The following ADAMTSL3 variants were observed in gnomAD, a reference collection of about 807,000 sequenced individuals.
The protein encoded by ADAMTSL3 is ADAMTS like 3.
Under a neutral mutation model 201.7 loss-of-function variants are expected in ADAMTSL3, and 128 were observed. The observed-to-expected ratio is 0.63, with a 90% CI of 0.55 to 0.73. The LOEUF is 0.73. ADAMTSL3 is among the 30% of genes least tolerant of loss of function. ADAMTSL3 has a pLI of 0.00. For synonymous variants in ADAMTSL3, 738 were observed against 748.4 expected, an observed-to-expected ratio of 0.99 and a Z score of 0.23; for missense variants, 1,990 against 2,119.6, an observed-to-expected ratio of 0.94 and a Z score of 1.20.
chr15:83,913,141 G>A lies in ADAMTSL3; in HGVS notation c.1750G>A (p.Val584Met), dbSNP rs778420660. ...CTGCAGTACCACGTGTGGGCCGGGT[G>A]TGCAGGTCCGTGAGGTGAAGTGCCG... is the stretch of plus-strand genomic sequence containing the variant. The part of the protein sequence containing the change: ...SACSTTCGPG[V>M]QVREVKCRVL... Residue 584 changes from valine to methionine, a missense_variant, in exon 16 of 30, where the codon GTG (valine) becomes ATG (methionine). Coordinates refer to ENST00000286744, the MANE Select transcript of ADAMTSL3 (RefSeq NM_207517.3). 1.9e-6 allele frequency: 3 copies of A among 1,614,130 alleles called. No individual in the cohort carries two copies. The highest frequency in any genetic ancestry group is 2.5e-6 in the Non-Finnish European group (3 of 1,180,036).
chr15:83,720,634 G>A (rs1051928857), intron 3 of ADAMTSL3, among the ~76,000 whole-genome samples: 4 of 152,206 alleles, frequency 2.6e-5, no homozygotes, highest in African/African-American at 4.8e-5. Flanking sequence ...GAATGTGTCA[G>A]TGGGCATTAC....
intron 5 of ADAMTSL3, among the ~76,000 whole-genome samples, chr15:83,816,698 C>T (rs2063777230): frequency 6.6e-6 from 1 of 152,146 alleles, no homozygotes; most frequent in African/African-American, 2.4e-5. Context: ...GGATACAGTC[C>T]TCATTTCAAC....
chr15:83,885,124 C>G lies in ADAMTSL3; in HGVS notation c.984C>G (p.Asp328Glu). 6.2e-7 allele frequency: 1 copy of G among 1,614,064 alleles called. No homozygotes were observed. Among genetic ancestry groups the G allele is most frequent in the Non-Finnish European group, 8.5e-7 (1 of 1,179,946 alleles). The change falls in exon 10 of 30, where the codon GAC (aspartate) becomes GAG (glutamate). Residue 328 changes from aspartate (D) to glutamate (E), a missense_variant. Physicochemically the swap from Asp to Glu is conservative, Grantham distance 45 (BLOSUM62 2). Coordinates refer to ENST00000286744, the MANE Select transcript of ADAMTSL3 (RefSeq NM_207517.3). Reference protein sequence around the residue: ...IFKTRYTAAKDSVVQFFFYQP... With the variant: ...IFKTRYTAAKESVVQFFFYQP... The stretch of plus-strand genomic sequence containing the variant: ...AGACCAGGTACACTGCAGCCAAAGA[C>G]AGCGTGGTTCAGTTCTTCTTTTACC...
chr15:83,788,555 CA>C (rs2063298116), intron 4 of ADAMTSL3, among the ~76,000 whole-genome samples: 1 of 152,178 alleles, frequency 6.6e-6, no homozygotes, highest in Admixed American at 6.5e-5. Flanking sequence ...ATTCTAACAT[CA>C]AGTAATGTTA....
At chr15:83,818,655 T>G (rs1011869666) in intron 5 of ADAMTSL3, among the ~76,000 whole-genome samples, 8 of 152,222 alleles carry the variant, frequency 5.3e-5, no homozygotes, top group African/African-American at 9.6e-5. Flanking sequence ...ACCTGTTGTC[T>G]TTAATTATGA....
chr15:83,749,585 C>T (rs2062605469), intron 3 of ADAMTSL3, among the ~76,000 whole-genome samples: 1 of 152,086 alleles, frequency 6.6e-6, no homozygotes, highest in African/African-American at 2.4e-5. Context: ...GTTCTAACTG[C>T]CCAGCTAAGG....
chr15:83,668,258 A>T lies in ADAMTSL3; in HGVS notation c.69+12428A>T, dbSNP rs2061276694. On this transcript the variant is annotated intron_variant, in intron 2 of 29. Coordinates refer to ENST00000286744, the MANE Select transcript of ADAMTSL3 (RefSeq NM_207517.3). ...AGTTAATATTTTTGAAAAAGAGAAC[A>T]GAAAATATTCAACAATATAATTAAG... 2.0e-5 allele frequency among the ~76,000 whole-genome samples: 3 copies of T among 152,050 alleles called. No homozygotes were observed. The South Asian group carries it at 6.2e-4, about 32-fold the overall frequency.
At chr15:83,707,540 C>A (rs1000271863) in intron 3 of ADAMTSL3, among the ~76,000 whole-genome samples, 1 of 152,124 alleles carries the variant, frequency 6.6e-6, no homozygotes, top group African/African-American at 2.4e-5. Context: ...TAGTTGCTAC[C>A]TAGATCAAGA....
chr15:84,014,969 C>T (rs943817336), intron 24 of ADAMTSL3, among the ~76,000 whole-genome samples: 4 of 150,730 alleles, frequency 2.7e-5, no homozygotes, highest in South Asian at 2.1e-4. Flanking sequence ...TTTTTTTAAA[C>T]GGAGTCTTGC....
Position 83,942,739 on chromosome 15 carries a change from G to A in ADAMTSL3, c.2261G>A (p.Cys754Tyr), listed in dbSNP as rs1450034624. ...RDEKPHALQA[C>Y]NQFDCPPGWH... ...GAAAAGCCCCATGCTTTACAAGCAT[G>A]CAATCAGTTTGACTGCCCTCCTGGC... The change falls in exon 18 of 30, where the codon TGC becomes TAC. Residue 754 changes from cysteine (C) to tyrosine (Y), a missense_variant. Transcript: ENST00000286744. 6.2e-7 allele frequency: 1 copy of A among 1,613,996 alleles called. No homozygotes were observed. Among genetic ancestry groups the A allele is most frequent in the East Asian group, 2.2e-5 (1 of 44,818 alleles).
At chr15:83,743,089 C>T in intron 3 of ADAMTSL3, among the ~76,000 whole-genome samples, 1 of 152,070 alleles carries the variant, frequency 6.6e-6, no homozygotes, top group East Asian at 1.9e-4. Flanking sequence ...CTGCGCTTAC[C>T]TCCTAACTTT....
At chr15:83,903,716 G>A (rs1394136364) in intron 15 of ADAMTSL3, among the ~76,000 whole-genome samples, 1 of 151,610 alleles carries the variant, frequency 6.6e-6, no homozygotes, top group Non-Finnish European at 1.5e-5. Flanking sequence ...TCAGGAGTTC[G>A]AGACCAGGCT....
intron 3 of ADAMTSL3, among the ~76,000 whole-genome samples, chr15:83,714,632 C>T (rs1567092711): frequency 6.6e-6 from 1 of 151,966 alleles, no homozygotes; most frequent in East Asian, 1.9e-4. Context: ...CTTCCTAGGC[C>T]TCCTGCTTTC....
chr15:83,935,373 A>C (rs2066443459), intron 17 of ADAMTSL3, among the ~76,000 whole-genome samples: 3 of 152,182 alleles, frequency 2.0e-5, no homozygotes, highest in African/African-American at 7.2e-5. Flanking sequence ...TGCCTTTAAA[A>C]AATAATGATA....
intron 2 of ADAMTSL3, among the ~76,000 whole-genome samples, chr15:83,675,201 A>G (rs1021313544): frequency 2.6e-5 from 4 of 152,080 alleles, no homozygotes; most frequent in African/African-American, 9.7e-5. Context: ...AAAATTAACA[A>G]CCAATACTAT....
intron 15 of ADAMTSL3, among the ~76,000 whole-genome samples, chr15:83,907,042 C>T (rs954193548): frequency 9.5e-5 from 14 of 147,950 alleles, no homozygotes; most frequent in Non-Finnish European, 2.1e-4. Flanking sequence ...TGCATTGAGC[C>T]GTGATCACAC....
In ADAMTSL3 at chr15:83,957,106, A is replaced by C. The variant is rs532762335; in HGVS notation, c.2491-13378A>C. On this transcript the variant is annotated intron_variant, in intron 19 of 29. Coordinates refer to ENST00000286744, the MANE Select transcript of ADAMTSL3 (RefSeq NM_207517.3). ...TGCCTGGGTCACTGGAAAGTGTTGC[A>C]TAAGATGCAGCTTTGGAGTTGCGTC... 3.9e-5 allele frequency among the ~76,000 whole-genome samples: 6 copies of C among 152,360 alleles called. No individual in the cohort carries two copies. In the East Asian group the frequency reaches 9.7e-4, roughly 25 times the overall value.
chr15:83,842,654 C>T (rs77032270), intron 7 of ADAMTSL3, among the ~76,000 whole-genome samples: 2,941 of 152,308 alleles, frequency 0.019, 92 homozygotes, highest in African/African-American at 0.066. Flanking sequence ...TTTAAGAGAG[C>T]TACTGCTTGG....
chr15:83,853,903 T>C (rs997952810), intron 7 of ADAMTSL3, among the ~76,000 whole-genome samples: 3 of 114,378 alleles, frequency 2.6e-5, no homozygotes, highest in Non-Finnish European at 5.3e-5. Flanking sequence ...CCTATCACTC[T>C]ATCTCTATCT....
Sources: allele counts gnomAD v4.1 joint callset (sites outside exome capture counted in the v4.1 genomes callset), GRCh38; gene constraint gnomAD v4.1.1; transcripts MANE v1.5; gene names NCBI Gene and HGNC (gene_info 2026-07-23, HGNC 2026-07-21).